The following STK38L variants were observed in gnomAD, a reference collection of about 807,000 sequenced individuals.
STK38L encodes the protein serine/threonine kinase 38 like.
Under a neutral mutation model 59.7 loss-of-function variants are expected in STK38L, and 28 were observed. The ratio of observed to expected loss-of-function variants is 0.47; its 90% CI spans 0.35 to 0.64. The LOEUF (loss-of-function observed/expected upper bound fraction) is 0.64, where lower values mean the gene tolerates loss of function less well. Ranked by LOEUF, STK38L falls within the 30% of genes least tolerant of loss-of-function variation. The probability of loss-of-function intolerance (pLI) is 0.01; values close to 1 mark genes in which losing one functional copy is unlikely to be tolerated. For synonymous variants in STK38L, 162 were observed against 176.8 expected (o/e 0.92, Z 0.66); for missense variants, 314 against 555.8 (o/e 0.56, Z 4.37).
intron 1 of STK38L, among the ~76,000 whole-genome samples, chr12:27,279,094 A>G (rs1224767641): frequency 6.6e-6 from 1 of 152,200 alleles, no homozygotes; most frequent in Admixed American, 6.5e-5. Flanking sequence ...GGAGGTCATT[A>G]TGATTTCTAC....
Position 27,279,108 on chromosome 12 carries a change from A to G in STK38L, c.-11-18602A>G, listed in dbSNP as rs372724382. Among the ~76,000 whole-genome samples, 5 of 152,306 alleles carry G rather than the reference A, an allele frequency of 3.3e-5. 1 individual carries two copies. Among genetic ancestry groups the G allele is most frequent in the African/African-American group, 1.2e-4 (5 of 41,576 alleles). ...AGGAGGTCATTATGATTTCTACTGAATGTGCCTCATTTTCGGACCATCATA... is the reference window on the plus strand; with the variant it reads ...AGGAGGTCATTATGATTTCTACTGAGTGTGCCTCATTTTCGGACCATCATA... On this transcript the variant is annotated intron_variant, in intron 1 of 13. Coordinates refer to ENST00000389032, the MANE Select transcript of STK38L (RefSeq NM_015000.4).
At chr12:27,319,571 G>T in intron 12 of STK38L, 148 bp downstream of exon 12, 1 of 545,660 alleles carries the variant, frequency 1.8e-6, no homozygotes. Context: ...ATGTAAGTGA[G>T]TGGGACTATT....
At position 27,315,543 on chromosome 12, in the gene STK38L, A is replaced by G. The variant is rs1432821184; in HGVS notation, c.837+193A>G. Among the ~76,000 whole-genome samples the G allele has an allele frequency of 2.0e-5, 3 of 152,144 alleles. 1 individual carries two copies. Among genetic ancestry groups the G allele is most frequent in the Admixed American group, 2.0e-4 (3 of 15,278 alleles). On this transcript the variant is annotated intron_variant, in intron 9 of 13. Coordinates refer to ENST00000389032, the MANE Select transcript of STK38L (RefSeq NM_015000.4). Reference sequence around the variant, plus strand: ...CCTGTAAAGCAAAGTGTTGGTTTTTACTTTGTAACTTTAGAGTAGTTTACT... The same window carrying G: ...CCTGTAAAGCAAAGTGTTGGTTTTTGCTTTGTAACTTTAGAGTAGTTTACT...
chr12:27,270,731 C>G lies in STK38L; in HGVS notation c.-12+26399C>G, dbSNP rs972863015. On this transcript the variant is annotated intron_variant, in intron 1 of 13. Coordinates refer to ENST00000389032, the MANE Select transcript of STK38L (RefSeq NM_015000.4). Reference sequence around the variant, plus strand: ...GCCTCGCTTTGTTGCCCAGGCTGGTCTTGAACTCCTGGGCTTAAGGGATCC... The same window carrying G: ...GCCTCGCTTTGTTGCCCAGGCTGGTGTTGAACTCCTGGGCTTAAGGGATCC... Among the ~76,000 whole-genome samples the G allele has an allele frequency of 3.3e-5, 5 of 152,054 alleles. No homozygotes were observed. In the South Asian group the frequency reaches 6.2e-4, roughly 19 times the overall value.
chr12:27,316,136 G>A (rs1307670371), intron 9 of STK38L, among the ~76,000 whole-genome samples: 1 of 152,066 alleles, frequency 6.6e-6, no homozygotes, highest in Non-Finnish European at 1.5e-5. Context: ...AAAAATAATA[G>A]GCTAATACCC....
intron 1 of STK38L, among the ~76,000 whole-genome samples, chr12:27,292,663 A>G (rs1262213364): frequency 1.3e-5 from 2 of 152,208 alleles, no homozygotes; most frequent in East Asian, 3.8e-4. Flanking sequence ...TTTCATTACA[A>G]AGATAAATAG....
intron 1 of STK38L, among the ~76,000 whole-genome samples, chr12:27,272,231 T>TA (rs1565530685): frequency 1.3e-5 from 2 of 152,190 alleles, no homozygotes; most frequent in Non-Finnish European, 2.9e-5. Flanking sequence ...GTTAAATGGC[T>TA]AAGCAAAAAG....
At chr12:27,287,271 A>AT (rs560080921) in intron 1 of STK38L, among the ~76,000 whole-genome samples, 3 of 151,396 alleles carry the variant, frequency 2.0e-5, no homozygotes, top group Non-Finnish European at 4.4e-5. Flanking sequence ...TGCCTGGCTA[A>AT]TTTTTTTTGT....
intron 1 of STK38L, among the ~76,000 whole-genome samples, chr12:27,253,893 T>C (rs1460163054): frequency 4.2e-4 from 64 of 152,254 alleles, no homozygotes. Flanking sequence ...TTTAGCACTC[T>C]GAGCTTTTGT....
chr12:27,289,750 C>T (rs1943855332), intron 1 of STK38L, among the ~76,000 whole-genome samples: 1 of 152,258 alleles, frequency 6.6e-6, no homozygotes, highest in Non-Finnish European at 1.5e-5. Context: ...ATGAGAATCA[C>T]TCTTTTGTGA....
chr12:27,257,084 T>C (rs983535844), intron 1 of STK38L, among the ~76,000 whole-genome samples: 2 of 152,216 alleles, frequency 1.3e-5, no homozygotes, highest in African/African-American at 4.8e-5. Flanking sequence ...AATTTACTTA[T>C]AGTTAGCAAG....
At chr12:27,321,979 A>G (rs1205019417) in intron 12 of STK38L, among the ~76,000 whole-genome samples, 164 bp from the exon 13 acceptor site, 1 of 152,208 alleles carries the variant, frequency 6.6e-6, no homozygotes, top group Middle Eastern at 3.2e-3. Flanking sequence ...AAAAAATTAT[A>G]CTCAACTATT....
intron 1 of STK38L, among the ~76,000 whole-genome samples, chr12:27,278,009 A>G (rs543533353): frequency 1.3e-5 from 2 of 152,208 alleles, no homozygotes; most frequent in African/African-American, 4.8e-5. Flanking sequence ...CAGGTCATGT[A>G]TAAGGAGAGT....
chr12:27,277,403 C>T (rs1943560823), intron 1 of STK38L, among the ~76,000 whole-genome samples: 1 of 138,154 alleles, frequency 7.2e-6, no homozygotes, highest in African/African-American at 2.5e-5. Flanking sequence ...CACACACACA[C>T]ACACACACAC....
chr12:27,301,154 G>C (rs186862869), intron 2 of STK38L, among the ~76,000 whole-genome samples: 2 of 152,294 alleles, frequency 1.3e-5, no homozygotes, highest in East Asian at 3.9e-4. Context: ...CCTTACCCCA[G>C]ATGCTCAGCT....
chr12:27,308,860 AT>A lies in STK38L; in HGVS notation c.310-253del, dbSNP rs540776195. Among the ~76,000 whole-genome samples, 1,926 of 134,494 alleles carry A rather than the reference AT, an allele frequency of 0.014. 35 individuals carry two copies. The highest frequency in any genetic ancestry group is 0.04 in the African/African-American group (1,559 of 39,438). 88.2% of individuals were successfully genotyped at this position (134,494 alleles called of 152,430 possible). A position where few individuals can be genotyped will look rare whatever the true frequency, so the allele number is the denominator to read the frequency against. On this transcript the variant is annotated intron_variant, in intron 4 of 13. Transcript: ENST00000389032. The surrounding 1 kb of genome is among the most constrained non-coding windows in gnomAD (Gnocchi z 4.5). ...TGTGTTTGTATGTATATATAAAAAAATATATATAAATATAAATATATATAAA... is the reference window on the plus strand; with the variant it reads ...TGTGTTTGTATGTATATATAAAAAAAATATATAAATATAAATATATATAAA...
intron 10 of STK38L, 79 bp downstream of exon 10, chr12:27,317,532 T>C: frequency 4.4e-6 from 5 of 1,134,024 alleles, no homozygotes; most frequent in Non-Finnish European, 5.1e-6. Context: ...ACAGATATCA[T>C]TGACTAAAAT....
chr12:27,257,966 A>T (rs570438359), intron 1 of STK38L, among the ~76,000 whole-genome samples: 1 of 150,754 alleles, frequency 6.6e-6, no homozygotes, highest in South Asian at 2.1e-4. Flanking sequence ...GGTTCAAGTG[A>T]TTCTCCTGCC....
intron 1 of STK38L, among the ~76,000 whole-genome samples, chr12:27,267,715 G>A: frequency 8.8e-6 from 1 of 113,236 alleles, no homozygotes; most frequent in Non-Finnish European, 1.9e-5. Flanking sequence ...GCAGTGAATA[G>A]TCTTCCCATT....
Sources: allele counts gnomAD v4.1 joint callset (sites outside exome capture counted in the v4.1 genomes callset), GRCh38; gene constraint gnomAD v4.1.1; non-coding constraint Gnocchi (gnomAD v3.1); transcripts MANE v1.5; gene names NCBI Gene and HGNC (gene_info 2026-07-23, HGNC 2026-07-21).